ERCC3: variants seen among roughly 807,000 people sequenced by gnomAD.
ERCC3 encodes the protein general transcription and DNA repair factor IIH helicase/translocase subunit XPB.
Under a neutral mutation model 94.2 loss-of-function variants are expected in ERCC3, and 66 were observed. The observed-to-expected ratio is 0.70, with a 90% confidence interval of 0.57 to 0.86. ERCC3 has a LOEUF of 0.86. Among genes scored for constraint, ERCC3 ranks in the 40% least tolerant of loss-of-function variants. The pLI, the probability that ERCC3 is intolerant of heterozygous loss-of-function variation, is 0.00. For missense variants in ERCC3, 829 were observed against 987.1 expected (o/e 0.84, Z 2.15); for synonymous variants, 349 against 369.1 (o/e 0.95, Z 0.63).
chr2:127,264,922 A>G lies in ERCC3; in HGVS notation c.1946-3576T>C, dbSNP rs1430744128. Among the ~76,000 whole-genome samples, 1 of 149,282 alleles carries G rather than the reference A, an allele frequency of 6.7e-6. No homozygotes were observed. Among genetic ancestry groups the G allele is most frequent in the Non-Finnish European group, 1.5e-5 (1 of 67,688 alleles). On this transcript the variant is annotated intron_variant, in intron 12 of 14. Coordinates refer to ENST00000285398, the MANE Select transcript of ERCC3 (RefSeq NM_000122.2). This position sits in a 1 kb window ranked among gnomAD's most constrained non-coding sequence, Gnocchi z 4.4. ...GAGTGCAGTGGCACGATCTCAGCTC[A>G]CTGCAACCTCCACCTCCAGGGTTTA...
At chr2:127,267,504 T>A (rs1684412731) in intron 12 of ERCC3, among the ~76,000 whole-genome samples, 1 of 152,144 alleles carries the variant, frequency 6.6e-6, no homozygotes. Context: ...CTGTTACATG[T>A]GAGAGAGGTC....
Position 127,257,563 on chromosome 2 carries a change from C to A in ERCC3, c.*33G>T. Reference sequence around the variant, plus strand: ...ATCCCTTTCCAACAAGGGTGCCAAGCGCCGGTCTTGAACGAAGTACCCTGC... The same window carrying A: ...ATCCCTTTCCAACAAGGGTGCCAAGAGCCGGTCTTGAACGAAGTACCCTGC... On this transcript the variant is annotated 3_prime_UTR_variant, in exon 15 of 15. Transcript: ENST00000285398. The surrounding 1 kb of genome is among the most constrained non-coding windows in gnomAD (Gnocchi z 5.4). 6.2e-7 allele frequency: 1 copy of A among 1,612,552 alleles called. No individual in the cohort carries two copies.
chr2:127,293,973 G>T (rs755269126), intron 1 of ERCC3, 81 bp downstream of exon 1: 1 of 1,565,884 alleles, frequency 6.4e-7, no homozygotes, highest in Non-Finnish European at 8.6e-7. Context: ...CGGCGCAGAG[G>T]CCCGGAGCAG....
intron 13 of ERCC3, 54 bp downstream of exon 13, chr2:127,261,173 AG>A: frequency 9.9e-7 from 1 of 1,012,992 alleles, no homozygotes; most frequent in Non-Finnish European, 1.6e-6. Context: ...CCTGGAGGCC[AG>A]GGTATCAAGA....
chr2:127,275,402 CA>C (rs935320380), intron 10 of ERCC3, among the ~76,000 whole-genome samples: 2 of 151,462 alleles, frequency 1.3e-5, no homozygotes, highest in African/African-American at 4.9e-5. Flanking sequence ...GCCAGAGACA[CA>C]AAAAAAAGGT....
chr2:127,277,217 G>A lies in ERCC3; in HGVS notation c.1730+1956C>T, dbSNP rs4150470. 2.6e-5 allele frequency among the ~76,000 whole-genome samples: 4 copies of A among 152,122 alleles called. No individual in the cohort carries two copies. Among genetic ancestry groups the A allele is most frequent in the Admixed American group, 1.3e-4 (2 of 15,264 alleles). ...GCAGGCCAGAACAGAGTAAGCGAAT[G>A]GAGTGCTGGTGGGGATCCCACTGGG... On this transcript the variant is annotated intron_variant, in intron 10 of 14. Coordinates refer to ENST00000285398, the MANE Select transcript of ERCC3 (RefSeq NM_000122.2). The surrounding 1 kb of genome is among the most constrained non-coding windows in gnomAD (Gnocchi z 5.1).
rs1684876187 is a variant in ERCC3, at chr2:127,280,566, G to A, written c.1408C>T (p.Leu470Phe). Residue 470 changes from leucine (L) to phenylalanine (F), a missense_variant, in exon 9 of 15, where the codon CTC (leucine) becomes TTC (phenylalanine). By Grantham distance (22) the Leu-to-Phe change is conservative (BLOSUM62 0). Coordinates refer to ENST00000285398, the MANE Select transcript of ERCC3 (RefSeq NM_000122.2). The surrounding 1 kb of genome is among the most constrained non-coding windows in gnomAD (Gnocchi z 6.3). Reference protein sequence around the residue: ...AHCKLGLTATLVREDDKIVDL... With the variant: ...AHCKLGLTATFVREDDKIVDL... The stretch of plus-strand genomic sequence containing the variant: ...ACAATTTTGTCATCTTCGCGGACGA[G>A]GGTCGCAGTCAAACCCAGCTTACAG... The A allele has an allele frequency of 6.2e-7, 1 of 1,614,058 alleles. No homozygotes were observed. The highest frequency in any genetic ancestry group is 1.3e-5 in the African/African-American group (1 of 74,934).
At chr2:127,289,962 G>A in intron 4 of ERCC3, 138 bp from the exon 5 acceptor site, 1 of 1,046,372 alleles carries the variant, frequency 9.6e-7, no homozygotes, top group South Asian at 1.4e-5. Context: ...TGTACCATGA[G>A]CTGCCGGCCA....
chr2:127,288,760 G>A lies in ERCC3; in HGVS notation c.927C>T (p.Asp309=), dbSNP rs376640712. 132 of 1,613,868 alleles carry A rather than the reference G, an allele frequency of 8.2e-5. No individual in the cohort carries two copies. The highest frequency in any genetic ancestry group is 1.1e-4 in the Non-Finnish European group (129 of 1,179,938). The part of the protein sequence containing the change: ...NDSVNPDINI[D]LKPTAVLRPY... ...GTCTGAGGACAGCTGTGGGCTTTAG[G>A]TCAATGTTGATATCAGGGTTGACAG... The change falls in exon 7 of 15, where the codon GAC becomes GAT. Residue 309 remains aspartate, a synonymous_variant. Coordinates refer to ENST00000285398, the MANE Select transcript of ERCC3 (RefSeq NM_000122.2).
In ERCC3 at chr2:127,271,579, GTCTA is replaced by G; in HGVS notation, c.1828-130_1828-127del. On this transcript the variant is annotated intron_variant, in intron 11 of 14. Coordinates refer to ENST00000285398, the MANE Select transcript of ERCC3 (RefSeq NM_000122.2). This position sits in a 1 kb window ranked among gnomAD's most constrained non-coding sequence, Gnocchi z 5.0. ...ACTCTTTTCTCCTCTTTATACCAGG[GTCTA>G]TCTGATGCAGGCAGAGAGAGGTGAA... 6.6e-6 allele frequency: 5 copies of G among 754,528 alleles called. No homozygotes were observed. Among genetic ancestry groups the G allele is most frequent in the Non-Finnish European group, 1.2e-5 (5 of 430,104 alleles). The allele number at this position is 754,528 out of a possible 1,614,324, so 46.7% of individuals were successfully genotyped here.
At chr2:127,261,378 A>C in intron 12 of ERCC3, 32 bp from the exon 13 acceptor site, 1 of 1,308,286 alleles carries the variant, frequency 7.6e-7, no homozygotes, top group Non-Finnish European at 1.1e-6. Context: ...GGCAATAAAG[A>C]AGACAACATT....
chr2:127,291,660 T>G lies in ERCC3; in HGVS notation c.471+950A>C, dbSNP rs763142317. 6.6e-6 allele frequency among the ~76,000 whole-genome samples: 1 copy of G among 152,244 alleles called. No individual in the cohort carries two copies. The highest frequency in any genetic ancestry group is 1.5e-5 in the Non-Finnish European group (1 of 68,044). ...ACCATACTGAATTCCTGTGGCACTC[T>G]TCTGCCACTCCAGATCCCAAGGTCT... On this transcript the variant is annotated intron_variant, in intron 3 of 14. Transcript: ENST00000285398. This position sits in a 1 kb window ranked among gnomAD's most constrained non-coding sequence, Gnocchi z 4.9.
chr2:127,290,383 AGGGAAAC>A, intron 3 of ERCC3, 110 bp from the exon 4 acceptor site: 1 of 931,512 alleles, frequency 1.1e-6, no homozygotes, highest in Non-Finnish European at 1.8e-6. Flanking sequence ...ATTTTACTTT[AGGGAAAC>A]CCAACTTGCA....
In ERCC3 at chr2:127,271,549, T is replaced by A. The variant is rs933081387; in HGVS notation, c.1828-96A>T. The A allele has an allele frequency of 5.6e-6, 5 of 887,080 alleles. No individual in the cohort carries two copies. The highest frequency in any genetic ancestry group is 9.5e-6 in the Non-Finnish European group (5 of 526,892). 55.0% of individuals were successfully genotyped at this position (887,080 alleles called of 1,614,324 possible). A position where few individuals can be genotyped will look rare whatever the true frequency, so the allele number is the denominator to read the frequency against. ...AAGTTCTGTAGATAATTTTGAAACATAATCACTCTTTTCTCCTCTTTATAC... is the reference window on the plus strand; with the variant it reads ...AAGTTCTGTAGATAATTTTGAAACAAAATCACTCTTTTCTCCTCTTTATAC... On this transcript the variant is annotated intron_variant, in intron 11 of 14. Coordinates refer to ENST00000285398, the MANE Select transcript of ERCC3 (RefSeq NM_000122.2). The surrounding 1 kb of genome is among the most constrained non-coding windows in gnomAD (Gnocchi z 5.0).
At chr2:127,272,079 C>T (rs1684576132) in intron 11 of ERCC3, among the ~76,000 whole-genome samples, 2 of 133,630 alleles carry the variant, frequency 1.5e-5, no homozygotes, top group South Asian at 2.5e-4. Flanking sequence ...AGTGCAACGG[C>T]ACAATCTCAG....
chr2:127,289,060 A>T (rs759555363), intron 6 of ERCC3, among the ~76,000 whole-genome samples, 196 bp from the exon 7 acceptor site: 9 of 152,192 alleles, frequency 5.9e-5, no homozygotes, highest in Non-Finnish European at 1.2e-4. Flanking sequence ...AATGAAATCT[A>T]ATCAGCAGGC....
Position 127,290,175 on chromosome 2 carries a change from C to T in ERCC3, c.521+49G>A, listed in dbSNP as rs375602392. On this transcript the variant is annotated intron_variant, in intron 4 of 14. Transcript: ENST00000285398. ...CCATATCCCTTTATTCCTGCTGGTGCGCAGAAAGTGACAGTGCCTTGGGAC... is the reference window on the plus strand; with the variant it reads ...CCATATCCCTTTATTCCTGCTGGTGTGCAGAAAGTGACAGTGCCTTGGGAC... 11 of 1,438,882 alleles carry T rather than the reference C, an allele frequency of 7.6e-6. No individual in the cohort carries two copies. The East Asian group carries it at 1.1e-4, about 15-fold the overall frequency. 89.1% of individuals were successfully genotyped at this position (1,438,882 alleles called of 1,614,324 possible). A position where few individuals can be genotyped will look rare whatever the true frequency, so the allele number is the denominator to read the frequency against.
At chr2:127,285,794 T>A (rs766790767) in intron 8 of ERCC3, among the ~76,000 whole-genome samples, 104 of 151,518 alleles carry the variant, frequency 6.9e-4, no homozygotes, top group Admixed American at 2.5e-3. Context: ...GAGGTTGCAG[T>A]GGGCCAAGAT....
chr2:127,268,067 C>A (rs935497070), intron 12 of ERCC3, among the ~76,000 whole-genome samples: 1 of 152,064 alleles, frequency 6.6e-6, no homozygotes, highest in South Asian at 2.1e-4. Flanking sequence ...AATACTCCTG[C>A]CTCAGCCTCC....
Sources: gnomAD v4.1 joint callset for allele counts (sites outside exome capture counted in the v4.1 genomes callset) on GRCh38, gnomAD v4.1.1 for gene constraint, Gnocchi (gnomAD v3.1) non-coding constraint, MANE v1.5 for transcripts, NCBI Gene and HGNC (gene_info 2026-07-23, HGNC 2026-07-21) for gene names.